The following AUTS2 variants were observed in gnomAD, a reference collection of about 807,000 sequenced individuals.
AUTS2 encodes the protein autism susceptibility gene 2 protein.
A neutral mutation model predicts 112.4 loss-of-function variants in AUTS2; 17 were observed. The observed-to-expected ratio is 0.15, with a 90% CI of 0.10 to 0.23. The LOEUF (loss-of-function observed/expected upper bound fraction) is 0.23. Ranked by LOEUF, AUTS2 falls within the 10% of genes least tolerant of loss-of-function variation. AUTS2 has a pLI of 1.00. For synonymous variants in AUTS2, 751 were observed against 702.7 expected (o/e 1.07, Z -1.09); for missense variants, 1,510 against 1,701.6 (o/e 0.89, Z 1.98).
Position 70,628,327 on chromosome 7 carries a change from TAC to T in AUTS2, c.691-70240_691-70239del, listed in dbSNP as rs1487088464. ...TAATTTGCAAAACTATATATATATATACATATATATATAGTATATATATATAT... is the reference window on the plus strand; with the variant it reads ...TAATTTGCAAAACTATATATATATATATATATATATAGTATATATATATAT... On this transcript the variant is annotated intron_variant, in intron 5 of 18. Coordinates refer to ENST00000342771, the MANE Select transcript of AUTS2 (RefSeq NM_015570.4). 2.3e-3 allele frequency among the ~76,000 whole-genome samples: 63 copies of T among 27,266 alleles called. No individual in the cohort carries two copies. The South Asian group carries it at 0.025, about 11-fold the overall frequency. 17.9% of individuals were successfully genotyped at this position (27,266 alleles called of 152,430 possible). A position where few individuals can be genotyped will look rare whatever the true frequency, so the allele number is the denominator to read the frequency against.
chr7:69,637,995 C>T (rs972332941), intron 1 of AUTS2, among the ~76,000 whole-genome samples: 18 of 152,182 alleles, frequency 1.2e-4, no homozygotes, highest in African/African-American at 4.1e-4. Flanking sequence ...CCTTTCAGGT[C>T]ATCTAAGACC....
At chr7:69,941,252 C>T (rs1796615257) in intron 2 of AUTS2, among the ~76,000 whole-genome samples, 1 of 152,112 alleles carries the variant, frequency 6.6e-6, no homozygotes, top group African/African-American at 2.4e-5. Context: ...CTGACAGCGT[C>T]AGCAGCACTG....
intron 2 of AUTS2, among the ~76,000 whole-genome samples, chr7:69,961,419 A>G (rs1320690192): frequency 6.6e-6 from 1 of 152,146 alleles, no homozygotes; most frequent in East Asian, 1.9e-4. Context: ...GCTTACTTTT[A>G]TATTTTAAAA....
At chr7:69,841,001 G>C (rs1411764088) in intron 1 of AUTS2, among the ~76,000 whole-genome samples, 1 of 152,162 alleles carries the variant, frequency 6.6e-6, no homozygotes, top group East Asian at 1.9e-4. Flanking sequence ...CAGCAAAGGG[G>C]AAAGTATACC....
chr7:70,271,783 A>G (rs994155024), intron 4 of AUTS2, among the ~76,000 whole-genome samples: 2 of 152,156 alleles, frequency 1.3e-5, no homozygotes, highest in African/African-American at 4.8e-5. Context: ...ACTGGCCAGT[A>G]TGAGTCACCA....
At chr7:69,830,064 A>G (rs1382372636) in intron 1 of AUTS2, among the ~76,000 whole-genome samples, 8 of 152,126 alleles carry the variant, frequency 5.3e-5, no homozygotes, top group Admixed American at 2.0e-4. Flanking sequence ...CACAAAAAGG[A>G]ATGAGATTAT....
rs1206245416 is a variant in AUTS2, at chr7:70,391,114, G to A, written c.661-44638G>A. Among the ~76,000 whole-genome samples, 7 of 152,200 alleles carry A rather than the reference G, an allele frequency of 4.6e-5. 1 individual carries two copies. Among genetic ancestry groups the A allele is most frequent in the Admixed American group, 1.3e-4 (2 of 15,282 alleles). ...GCCACCATCCAGTCCTGTTGTATCT[G>A]AATCTCTGGGGGTGAGGCCCTGGTA... On this transcript the variant is annotated intron_variant, in intron 4 of 18. Coordinates refer to ENST00000342771, the MANE Select transcript of AUTS2 (RefSeq NM_015570.4).
At chr7:70,416,480 G>GCT (rs1794992381) in intron 4 of AUTS2, among the ~76,000 whole-genome samples, 1 of 152,078 alleles carries the variant, frequency 6.6e-6, no homozygotes, top group Non-Finnish European at 1.5e-5. Context: ...CAAGCTCAAT[G>GCT]CTCTCTCTCT....
intron 2 of AUTS2, among the ~76,000 whole-genome samples, chr7:70,075,929 G>A (rs1206347223): frequency 6.6e-6 from 1 of 152,154 alleles, no homozygotes; most frequent in Non-Finnish European, 1.5e-5. Flanking sequence ...AATATTTTAG[G>A]TTTTTTGGGC....
intron 11 of AUTS2, among the ~76,000 whole-genome samples, chr7:70,771,985 G>A (rs543638091): frequency 6.6e-6 from 1 of 152,130 alleles, no homozygotes; most frequent in Non-Finnish European, 1.5e-5. Flanking sequence ...ACACATGTGC[G>A]CCAGGTTGTT....
intron 4 of AUTS2, among the ~76,000 whole-genome samples, chr7:70,349,185 G>A (rs890486995): frequency 6.6e-6 from 1 of 152,164 alleles, no homozygotes; most frequent in Non-Finnish European, 1.5e-5. Context: ...GTCTGGCTCA[G>A]AGACCTCTGC....
intron 5 of AUTS2, among the ~76,000 whole-genome samples, chr7:70,579,102 T>A (rs1159103886): frequency 6.6e-6 from 1 of 150,758 alleles, no homozygotes; most frequent in Non-Finnish European, 1.5e-5. Flanking sequence ...CTAATTTTTG[T>A]TTTTTTAGTA....
chr7:70,505,443 T>A (rs1798924103), intron 5 of AUTS2, among the ~76,000 whole-genome samples: 1 of 152,164 alleles, frequency 6.6e-6, no homozygotes, highest in Admixed American at 6.5e-5. Flanking sequence ...TTATTCAGAT[T>A]AGAGGCAAGG....
chr7:70,729,860 ATGTATGT>A (rs2129552523), intron 6 of AUTS2, among the ~76,000 whole-genome samples: 1 of 106,522 alleles, frequency 9.4e-6, no homozygotes, highest in South Asian at 3.5e-4. Context: ...CATTGTATGT[ATGTATGT>A]ATGTATGTAT....
intron 1 of AUTS2, among the ~76,000 whole-genome samples, chr7:69,673,685 T>C (rs1166130487): frequency 1.3e-5 from 2 of 152,204 alleles, no homozygotes; most frequent in Non-Finnish European, 2.9e-5. Flanking sequence ...GAATTCCTTA[T>C]TGGTAGAAAG....
At chr7:70,494,581 C>A (rs879879289) in intron 5 of AUTS2, among the ~76,000 whole-genome samples, 10 of 152,100 alleles carry the variant, frequency 6.6e-5, no homozygotes, top group Non-Finnish European at 8.8e-5. Flanking sequence ...GCCCCTCCCC[C>A]CCGACACTCA....
At chr7:70,175,228 G>A (rs976120943) in intron 4 of AUTS2, among the ~76,000 whole-genome samples, 5 of 152,168 alleles carry the variant, frequency 3.3e-5, no homozygotes, top group Non-Finnish European at 7.3e-5. Context: ...AATATCAAGA[G>A]AACTAGCATT....
rs567514008 is a variant in AUTS2 at position 69,975,086 on chromosome 7, T to G, written c.522+75588T>G. Among the ~76,000 whole-genome samples the G allele has an allele frequency of 9.9e-5, 15 of 152,234 alleles. 2 individuals carry two copies. In the South Asian group the frequency reaches 2.9e-3, roughly 29 times the overall value. ...GAGGTTGTCTTGATTACCTGTTGCT[T>G]ACTGAGGAATGTTTGCACTTGATGT... is the stretch of plus-strand genomic sequence containing the variant. On this transcript the variant is annotated intron_variant, in intron 2 of 18. Transcript: ENST00000342771.
At chr7:70,023,765 G>A (rs1401390453) in intron 2 of AUTS2, among the ~76,000 whole-genome samples, 1 of 152,166 alleles carries the variant, frequency 6.6e-6, no homozygotes, top group Non-Finnish European at 1.5e-5. Context: ...TAGCTGAGTT[G>A]AGTGCATCTG....
Sources: gnomAD v4.1 joint callset for allele counts (sites outside exome capture counted in the v4.1 genomes callset) on GRCh38, gnomAD v4.1.1 for gene constraint, MANE v1.5 for transcripts, NCBI Gene and HGNC (gene_info 2026-07-23, HGNC 2026-07-21) for gene names.